ADAMTS16: variants seen among roughly 807,000 people sequenced by gnomAD.
ADAMTS16 encodes A disintegrin and metalloproteinase with thrombospondin motifs 16.
Under a neutral mutation model 145.8 loss-of-function variants are expected in ADAMTS16, and 94 were observed. The ratio of observed to expected loss-of-function variants is 0.64; its 90% confidence interval spans 0.55 to 0.77. ADAMTS16 has a LOEUF of 0.77. ADAMTS16 is among the 30% of genes least tolerant of loss of function. The pLI is 0.00. For missense variants in ADAMTS16, 1,585 were observed against 1,591.5 expected (o/e 1.00, Z 0.07); for synonymous variants, 659 against 604.3 (o/e 1.09, Z -1.33).
At chr5:5,191,556 T>G in intron 7 of ADAMTS16, 129 bp from the exon 8 acceptor site, 1 of 732,908 alleles carries the variant, frequency 1.4e-6, no homozygotes, top group Non-Finnish European at 2.3e-6. Flanking sequence ...GTTGTCTAAG[T>G]GTTTCCCATT....
intron 2 of ADAMTS16, among the ~76,000 whole-genome samples, chr5:5,145,086 A>G (rs1428016): frequency 0.74 from 112,177 of 152,040 alleles, 41,895 homozygotes; most frequent in Middle Eastern, 0.87. Flanking sequence ...GAACGCGGAG[A>G]TTATGAGCCT....
chr5:5,192,319 C>T (rs1227675069), intron 8 of ADAMTS16, among the ~76,000 whole-genome samples: 1 of 152,132 alleles, frequency 6.6e-6, no homozygotes, highest in Admixed American at 6.5e-5. Context: ...TTCCTCTGTC[C>T]CGTGTTTTGA....
intron 3 of ADAMTS16, among the ~76,000 whole-genome samples, chr5:5,171,533 A>G (rs1261244384): frequency 6.6e-6 from 1 of 152,162 alleles, no homozygotes; most frequent in African/African-American, 2.4e-5. Flanking sequence ...AAATGATTAT[A>G]TGGTTTTTGT....
At chr5:5,228,080 A>G (rs1164823770) in intron 11 of ADAMTS16, among the ~76,000 whole-genome samples, 1 of 152,220 alleles carries the variant, frequency 6.6e-6, no homozygotes, top group Non-Finnish European at 1.5e-5. Flanking sequence ...TAAACCCTAA[A>G]TGCTGAAAAA....
At chr5:5,256,844 G>T (rs150615235) in intron 17 of ADAMTS16, among the ~76,000 whole-genome samples, 5 of 152,252 alleles carry the variant, frequency 3.3e-5, no homozygotes, top group African/African-American at 1.2e-4. Flanking sequence ...CTAAAAAGCC[G>T]TAAGAGTTTG....
intron 8 of ADAMTS16, among the ~76,000 whole-genome samples, chr5:5,192,635 C>A (rs1214009419): frequency 6.6e-6 from 1 of 152,146 alleles, no homozygotes; most frequent in Non-Finnish European, 1.5e-5. Context: ...GCCCCACGAG[C>A]CTGGGGGCTC....
chr5:5,318,714 C>T (rs772132789), intron 22 of ADAMTS16, among the ~76,000 whole-genome samples: 9 of 152,014 alleles, frequency 5.9e-5, no homozygotes, highest in Non-Finnish European at 1.2e-4. Flanking sequence ...TTGAGGAAGG[C>T]GAGTGGTTTG....
At chr5:5,201,001 G>C (rs1735937730) in intron 9 of ADAMTS16, among the ~76,000 whole-genome samples, 1 of 152,200 alleles carries the variant, frequency 6.6e-6, no homozygotes, top group Non-Finnish European at 1.5e-5. Context: ...CTTTGGCTTT[G>C]AGTTTGAAGT....
intron 3 of ADAMTS16, among the ~76,000 whole-genome samples, chr5:5,158,740 G>A (rs1015030217): frequency 2.0e-5 from 3 of 152,310 alleles, no homozygotes; most frequent in African/African-American, 7.2e-5. Context: ...AACATGATAT[G>A]ATGTAATTTA....
At chr5:5,268,890 G>A (rs895222507) in intron 18 of ADAMTS16, among the ~76,000 whole-genome samples, 1 of 152,062 alleles carries the variant, frequency 6.6e-6, no homozygotes. Context: ...GGAGGTAGTC[G>A]AGCCTGGTGA....
At position 5,186,100 on chromosome 5, in the gene ADAMTS16, A is replaced by C; in HGVS notation, c.812A>C (p.Tyr271Ser). 6.2e-7 allele frequency: 1 copy of C among 1,614,102 alleles called. No homozygotes were observed. Among genetic ancestry groups the C allele is most frequent in the Non-Finnish European group, 8.5e-7 (1 of 1,180,032 alleles). The change falls in exon 5 of 23, where the codon TAT (tyrosine) becomes TCT (serine). Residue 271 changes from tyrosine (Y) to serine (S), a missense_variant. Physicochemically the swap from Tyr to Ser is moderately radical, Grantham distance 144. This residue lies in a region of ADAMTS16 where 453 missense variants were observed against 412.1 expected (regional missense o/e 1.10). Transcript: ENST00000274181. ...KEDLFILPDE[Y>S]KSCLRHKRSL... ...GACCTCTTCATCTTGCCAGATGAGTATAAGTCTTGCTTACGGCATAAGCGC... is the reference window on the plus strand; with the variant it reads ...GACCTCTTCATCTTGCCAGATGAGTCTAAGTCTTGCTTACGGCATAAGCGC...
intron 4 of ADAMTS16, among the ~76,000 whole-genome samples, chr5:5,184,441 T>G (rs1294044944): frequency 6.6e-6 from 1 of 152,170 alleles, no homozygotes; most frequent in East Asian, 1.9e-4. Context: ...ATGTTGTCCC[T>G]GAGGCTTTTG....
chr5:5,143,676 A>G (rs926930346), intron 2 of ADAMTS16, among the ~76,000 whole-genome samples: 1 of 152,228 alleles, frequency 6.6e-6, no homozygotes, highest in Non-Finnish European at 1.5e-5. Flanking sequence ...AGACACATGC[A>G]CACATATGTT....
chr5:5,304,254 T>C (rs2126514036), intron 20 of ADAMTS16, among the ~76,000 whole-genome samples: 1 of 152,304 alleles, frequency 6.6e-6, no homozygotes, highest in East Asian at 1.9e-4. Context: ...TTAGTTTTGT[T>C]GAAATCGATC....
Position 5,186,181 on chromosome 5 carries a change from T to G in ADAMTS16, c.893T>G (p.Val298Gly). 6.2e-7 allele frequency: 1 copy of G among 1,612,882 alleles called. No homozygotes were observed. The highest frequency in any genetic ancestry group is 8.5e-7 in the Non-Finnish European group (1 of 1,179,688). ...CTGAACGTGGAGACCTTGGTGGTGGTCGACAAAAAGATGATGCAAAACCAT... is the reference window on the plus strand; with the variant it reads ...CTGAACGTGGAGACCTTGGTGGTGGGCGACAAAAAGATGATGCAAAACCAT... ...EELNVETLVV[V>G]DKKMMQNHGH... The change falls in exon 5 of 23, where the codon GTC becomes GGC. Residue 298 changes from valine (V) to glycine (G), a missense_variant. Val to Gly is a moderately radical substitution (Grantham distance 109, BLOSUM62 -3). Around this residue, in one of 3 missense-constraint regions of ADAMTS16, gnomAD observed 453 missense variants for 412.1 expected, o/e 1.10. Coordinates refer to ENST00000274181, the MANE Select transcript of ADAMTS16 (RefSeq NM_139056.4).
At chr5:5,233,043 A>AG (rs1042495506) in intron 12 of ADAMTS16, among the ~76,000 whole-genome samples, 10 of 151,916 alleles carry the variant, frequency 6.6e-5, no homozygotes, top group African/African-American at 2.2e-4. Context: ...ACAGCAAAAA[A>AG]ATAACAGCAG....
chr5:5,314,857 C>G (rs903735266), intron 21 of ADAMTS16, among the ~76,000 whole-genome samples: 3 of 152,140 alleles, frequency 2.0e-5, no homozygotes, highest in African/African-American at 7.2e-5. Context: ...TGTGGCTGGG[C>G]CAAGAACCTC....
chr5:5,145,731 A>G lies in ADAMTS16; in HGVS notation c.176-399A>G, dbSNP rs1474759229. ...GAGTAATCACCTTTTTATACACAAT[A>G]AAATGTGCTAACCTTCCACTGTTTG... On this transcript the variant is annotated intron_variant, in intron 2 of 22. Transcript: ENST00000274181. Among the ~76,000 whole-genome samples the G allele has an allele frequency of 2.6e-5, 4 of 152,248 alleles. No homozygotes were observed. In the East Asian group the frequency reaches 7.7e-4, roughly 29 times the overall value.
Position 5,239,840 on chromosome 5 carries a change from G to A in ADAMTS16, c.2438G>A (p.Gly813Asp). The A allele has an allele frequency of 1.2e-6, 2 of 1,614,078 alleles. No homozygotes were observed. The highest frequency in any genetic ancestry group is 1.3e-5 in the African/African-American group (1 of 74,998). The change falls in exon 16 of 23, where the codon GGC (glycine) becomes GAC (aspartate). Residue 813 changes from glycine to aspartate, a missense_variant. Coordinates refer to ENST00000274181, the MANE Select transcript of ADAMTS16 (RefSeq NM_139056.4). The part of the protein sequence containing the change: ...VDWPGRYKFS[G>D]TTFDYRRSYN... ...TGGCCCGGCCGGTACAAATTTTCGG[G>A]CACTACTTTCGACTACAGACGGTCC...
Sources: gnomAD v4.1 joint callset for allele counts (sites outside exome capture counted in the v4.1 genomes callset) on GRCh38, gnomAD v4.1.1 for gene constraint, gnomAD v4.1.1 regional missense constraint, MANE v1.5 for transcripts, NCBI Gene and HGNC (gene_info 2026-07-23, HGNC 2026-07-21) for gene names.